DLG2: variants seen among roughly 807,000 people sequenced by gnomAD.
DLG2 encodes discs large MAGUK scaffold protein 2.
Under a neutral mutation model 132.5 loss-of-function variants are expected in DLG2, and 45 were observed. The ratio of observed to expected loss-of-function variants is 0.34; its 90% CI spans 0.27 to 0.44. The LOEUF (loss-of-function observed/expected upper bound fraction) is 0.44, where lower values mean the gene tolerates loss of function less well. Ranked by LOEUF, DLG2 falls within the 20% of genes least tolerant of loss-of-function variation. DLG2 has a pLI of 1.00. For synonymous variants in DLG2, 424 were observed against 419.6 expected, an observed-to-expected ratio of 1.01 and a Z score of -0.13; for missense variants, 1,045 against 1,196.9, an observed-to-expected ratio of 0.87 and a Z score of 1.87.
intron 6 of DLG2, chr11:84,887,171 C>G (rs1459843007): frequency 6.6e-6 from 1 of 152,030 alleles, no homozygotes; most frequent in African/African-American, 2.4e-5. Context: ...CTGAAAAGCA[C>G]CATCTGTTCA....
At chr11:84,124,847 CT>C (rs34177526) in intron 9 of DLG2, among the ~76,000 whole-genome samples, 6,652 of 121,130 alleles carry the variant, frequency 0.055, 345 homozygotes, top group African/African-American at 0.18. Context: ...CTTGTTTTCA[CT>C]TTTTTTTTTT....
chr11:84,721,776 G>C (rs1263435699), intron 6 of DLG2, among the ~76,000 whole-genome samples: 2 of 152,136 alleles, frequency 1.3e-5, no homozygotes, highest in African/African-American at 4.8e-5. Context: ...ATGTGGCTTT[G>C]TGTAAGTCAT....
At chr11:85,348,170 A>G (rs1413420444) in intron 3 of DLG2, among the ~76,000 whole-genome samples, 1 of 150,658 alleles carries the variant, frequency 6.6e-6, no homozygotes, top group African/African-American at 2.5e-5. Flanking sequence ...ACTTTTTAGT[A>G]GAGACAGGGT....
At chr11:84,895,202 ATAT>A in intron 6 of DLG2, among the ~76,000 whole-genome samples, 1 of 152,284 alleles carries the variant, frequency 6.6e-6, no homozygotes, top group African/African-American at 2.4e-5. Flanking sequence ...TAAAATTAAA[ATAT>A]TAATATTAGT....
At chr11:84,547,872 C>T (rs1283734430) in intron 6 of DLG2, among the ~76,000 whole-genome samples, 1 of 152,092 alleles carries the variant, frequency 6.6e-6, no homozygotes, top group African/African-American at 2.4e-5. Context: ...GATGTAAGCT[C>T]CTTAGACTCC....
intron 6 of DLG2, among the ~76,000 whole-genome samples, chr11:84,804,960 A>C (rs2075825454): frequency 6.6e-6 from 1 of 151,910 alleles, no homozygotes; most frequent in Non-Finnish European, 1.5e-5. Flanking sequence ...TTAGATCTCC[A>C]CTCCCACCTG....
intron 7 of DLG2, among the ~76,000 whole-genome samples, chr11:84,342,749 G>A (rs146652335): frequency 9.0e-4 from 137 of 152,230 alleles, no homozygotes; most frequent in Admixed American, 1.8e-3. Context: ...AACAGGCTCA[G>A]GGAAAAGAAA....
intron 6 of DLG2, among the ~76,000 whole-genome samples, chr11:84,805,700 A>G (rs1039423326): frequency 3.9e-5 from 6 of 152,114 alleles, no homozygotes; most frequent in African/African-American, 1.2e-4. Flanking sequence ...ACTGGCTCCA[A>G]CTTTGCCTTT....
intron 6 of DLG2, among the ~76,000 whole-genome samples, chr11:85,011,810 G>C (rs1433565641): frequency 6.6e-6 from 1 of 152,276 alleles, no homozygotes; most frequent in East Asian, 1.9e-4. Flanking sequence ...TCCTACTATG[G>C]ACAGGGAGTG....
At chr11:84,820,728 C>A (rs1331287348) in intron 6 of DLG2, among the ~76,000 whole-genome samples, 1 of 137,222 alleles carries the variant, frequency 7.3e-6, no homozygotes, top group Non-Finnish European at 1.6e-5. Context: ...AAGTGAAATA[C>A]CTTTTTTTTT....
chr11:83,848,269 T>C (rs568613693), intron 16 of DLG2, among the ~76,000 whole-genome samples: 1 of 152,232 alleles, frequency 6.6e-6, no homozygotes, highest in South Asian at 2.1e-4. Context: ...GCCTCTAGCA[T>C]CTAGTCTAGT....
At chr11:84,450,257 G>A (rs1484274588) in intron 7 of DLG2, among the ~76,000 whole-genome samples, 1 of 151,808 alleles carries the variant, frequency 6.6e-6, no homozygotes, top group Non-Finnish European at 1.5e-5. Context: ...GAAATGTCAT[G>A]TGGTAGCTTA....
At chr11:84,949,429 G>C (rs961045604) in intron 6 of DLG2, among the ~76,000 whole-genome samples, 1 of 151,584 alleles carries the variant, frequency 6.6e-6, no homozygotes, top group Admixed American at 6.6e-5. Context: ...TATTAGGCGG[G>C]AATTTCCTCT....
intron 14 of DLG2, among the ~76,000 whole-genome samples, chr11:83,949,084 T>C (rs1280652259): frequency 6.6e-6 from 1 of 152,222 alleles, no homozygotes; most frequent in African/African-American, 2.4e-5. Flanking sequence ...TTACATTTTT[T>C]CTAATATTGT....
In DLG2 at chr11:84,882,046, C is replaced by G. The variant is rs2087434607; in HGVS notation, c.357+229615G>C. Among the ~76,000 whole-genome samples, 3 of 152,052 alleles carry G rather than the reference C, an allele frequency of 2.0e-5. No homozygotes were observed. In the South Asian group the frequency reaches 6.2e-4, roughly 31 times the overall value. ...AGATTTGAGTTTTGCTAATAGGATG[C>G]TGGTCACTTTATGGAATTCTTGCTG... On this transcript the variant is annotated intron_variant, in intron 6 of 27. Transcript: ENST00000376104.
chr11:85,092,480 A>G (rs2068945071), intron 6 of DLG2, among the ~76,000 whole-genome samples: 1 of 152,206 alleles, frequency 6.6e-6, no homozygotes, highest in African/African-American at 2.4e-5. Flanking sequence ...TGAGAAACAT[A>G]CAAAAACATG....
chr11:84,025,089 T>C (rs1415544872), intron 11 of DLG2, among the ~76,000 whole-genome samples: 1 of 152,190 alleles, frequency 6.6e-6, no homozygotes, highest in African/African-American at 2.4e-5. Context: ...AAAAGACTAT[T>C]CAGTGTATCT....
At chr11:84,806,497 A>C (rs902217472) in intron 6 of DLG2, among the ~76,000 whole-genome samples, 1 of 152,206 alleles carries the variant, frequency 6.6e-6, no homozygotes, top group Non-Finnish European at 1.5e-5. Flanking sequence ...TTCTCATCAG[A>C]AAACATTTTA....
intron 9 of DLG2, among the ~76,000 whole-genome samples, chr11:84,145,454 A>T (rs1379333821): frequency 6.6e-6 from 1 of 152,228 alleles, no homozygotes; most frequent in Non-Finnish European, 1.5e-5. Context: ...TTGTGTATCC[A>T]AACATAGAAA....
Sources: gnomAD v4.1 joint callset for allele counts (sites outside exome capture counted in the v4.1 genomes callset) on GRCh38, gnomAD v4.1.1 for gene constraint, MANE v1.5 for transcripts, NCBI Gene and HGNC (gene_info 2026-07-23, HGNC 2026-07-21) for gene names.